KDELR1: variants seen among roughly 807,000 people sequenced by gnomAD.
KDELR1 encodes KDEL endoplasmic reticulum protein retention receptor 1.
A neutral mutation model predicts 25.5 loss-of-function variants in KDELR1; 16 were observed. That is an observed-to-expected ratio of 0.63 (90% CI 0.43 to 0.95). The LOEUF (loss-of-function observed/expected upper bound fraction) is 0.95, where lower values mean the gene tolerates loss of function less well. Among genes scored for constraint, KDELR1 ranks in the 40% least tolerant of loss-of-function variants. KDELR1 has a pLI of 0.00. For synonymous variants in KDELR1, 121 were observed against 115.0 expected (o/e 1.05, Z -0.33); for missense variants, 159 against 265.2 (o/e 0.60, Z 2.78).
intron 1 of KDELR1, chr19:48,390,921 C>G: frequency 2.2e-6 from 1 of 458,498 alleles, no homozygotes; most frequent in South Asian, 2.2e-5. Flanking sequence ...TCACCTCCCT[C>G]CCGTTCCCTT....
At chr19:48,386,248 G>A (rs1970496454) in intron 3 of KDELR1, among the ~76,000 whole-genome samples, 1 of 151,544 alleles carries the variant, frequency 6.6e-6, no homozygotes, top group Non-Finnish European at 1.5e-5. Context: ...CCAAGTGGCT[G>A]GAATTATAGG....
intron 2 of KDELR1, 23 bp downstream of exon 2, chr19:48,390,401 G>C (rs781776646): frequency 1.3e-6 from 2 of 1,557,828 alleles, no homozygotes; most frequent in Admixed American, 3.3e-5. Context: ...GTGGGGGCCA[G>C]AGAGGTGGGG....
intron 3 of KDELR1, among the ~76,000 whole-genome samples, chr19:48,389,269 C>T (rs970594166): frequency 9.2e-5 from 14 of 152,020 alleles, no homozygotes; most frequent in African/African-American, 3.4e-4. Flanking sequence ...GACTTTGTCT[C>T]CAGAAAAAAA....
upstream of KDELR1, among the ~76,000 whole-genome samples, chr19:48,396,481 A>G (rs887148776): frequency 6.6e-6 from 1 of 151,370 alleles, no homozygotes; most frequent in Non-Finnish European, 1.5e-5. Context: ...GTGAGCAGCC[A>G]CTGGGAATGG....
At chr19:48,396,104 G>A (rs77810655), upstream of KDELR1, among the ~76,000 whole-genome samples, 11 of 152,260 alleles carry the variant, frequency 7.2e-5, no homozygotes, top group East Asian at 1.9e-3. Flanking sequence ...CAGGGCAGGA[G>A]ATGAGTGTTG....
At position 48,388,804 on chromosome 19, in the gene KDELR1, AAAGG is replaced by A. The variant is rs1354100322; in HGVS notation, c.351+745_351+748del. ...AGAAAGAAAGGAAAGAAAGAGAAAG[AAAGG>A]AAGGAAGGAAGGAGGAAAGGAAGAA... On this transcript the variant is annotated intron_variant, in intron 3 of 4. Transcript: ENST00000330720. 6.7e-3 allele frequency among the ~76,000 whole-genome samples: 1,011 copies of A among 150,828 alleles called. 15 individuals are homozygous for A. The highest frequency in any genetic ancestry group is 0.023 in the African/African-American group (930 of 41,024).
At chr19:48,393,787 G>A (rs907096553), upstream of KDELR1, among the ~76,000 whole-genome samples, 1 of 152,078 alleles carries the variant, frequency 6.6e-6, no homozygotes, top group Non-Finnish European at 1.5e-5. The surrounding 1 kb of genome is among the most constrained non-coding windows in gnomAD (Gnocchi z 5.6). Context: ...AGCCTCCCTC[G>A]GCCACCGGTG....
intron 1 of KDELR1, 52 bp downstream of exon 1, chr19:48,391,216 C>G (rs1201020320): frequency 6.6e-7 from 1 of 1,504,432 alleles, no homozygotes; most frequent in East Asian, 2.5e-5. Context: ...GCGACGTCCC[C>G]CAACCCCCGC....
In KDELR1 at chr19:48,384,088, G is replaced by C; in HGVS notation, c.604+142C>G. On this transcript the variant is annotated intron_variant, in intron 4 of 4. Transcript: ENST00000330720. The surrounding 1 kb of genome is among the most constrained non-coding windows in gnomAD (Gnocchi z 4.6). ...TAACGGTCTGAATTCCTAGGAGGATGGTAGGCCTGCCACCCCAGAAACCCG... is the reference window on the plus strand; with the variant it reads ...TAACGGTCTGAATTCCTAGGAGGATCGTAGGCCTGCCACCCCAGAAACCCG... 1.0e-6 allele frequency: 1 copy of C among 990,914 alleles called. No homozygotes were observed. The highest frequency in any genetic ancestry group is 1.5e-6 in the Non-Finnish European group (1 of 676,092). 61.4% of individuals were successfully genotyped at this position (990,914 alleles called of 1,614,324 possible).
upstream of KDELR1, chr19:48,394,799 A>ACCACCACTGCCGCCG (rs1355329617): frequency 6.4e-6 from 1 of 156,178 alleles, no homozygotes; most frequent in Non-Finnish European, 1.4e-5. This position sits in a 1 kb window ranked among gnomAD's most constrained non-coding sequence, Gnocchi z 5.1. Context: ...TGCTGCCGCC[A>ACCACCACTGCCGCCG]CCACCACTGC....
intron 1 of KDELR1, chr19:48,390,805 C>A: frequency 2.1e-6 from 1 of 473,598 alleles, no homozygotes; most frequent in Non-Finnish European, 3.8e-6. Flanking sequence ...GGCTCCGTCC[C>A]AGACTAGGCC....
upstream of KDELR1, chr19:48,391,668 A>G (rs1970555765): frequency 1.7e-5 from 7 of 407,898 alleles, no homozygotes; most frequent in South Asian, 1.6e-4. Flanking sequence ...GCGGCGCTAA[A>G]CGCACCCCCA....
rs1376858361 is a variant in KDELR1, at chr19:48,389,679, G to C, written c.225C>G (p.Val75=). The C allele has an allele frequency of 6.2e-7, 1 of 1,614,110 alleles. No homozygotes were observed. Among genetic ancestry groups the C allele is most frequent in the Admixed American group, 1.7e-5 (1 of 60,002 alleles). ...CTTTGAACTTGCTATAAATCAACCA[G>C]ACCGTGGTGAAGGAGCAGGCTATGT... ...VVYIACSFTT[V]WLIYSKFKAT... is the part of the protein sequence containing the mutation. Residue 75 remains valine (V), a synonymous_variant, in exon 3 of 5, where the codon GTC becomes GTG. Transcript: ENST00000330720.
upstream of KDELR1, among the ~76,000 whole-genome samples, chr19:48,393,521 T>C (rs1970587563): frequency 6.6e-6 from 1 of 151,952 alleles, no homozygotes; most frequent in Non-Finnish European, 1.5e-5. The surrounding 1 kb of genome is among the most constrained non-coding windows in gnomAD (Gnocchi z 5.6). Context: ...CTCACTCCCT[T>C]GTCCCAGGAG....
chr19:48,392,959 G>C (rs1970579135), upstream of KDELR1, among the ~76,000 whole-genome samples: 1 of 152,216 alleles, frequency 6.6e-6, no homozygotes, highest in African/African-American at 2.4e-5. Context: ...TCTATGAGGG[G>C]ACAGACGTGG....
In KDELR1 at chr19:48,384,158, C is replaced by G. The variant is rs1970476661; in HGVS notation, c.604+72G>C. On this transcript the variant is annotated intron_variant, in intron 4 of 4. Transcript: ENST00000330720. The surrounding 1 kb of genome is among the most constrained non-coding windows in gnomAD (Gnocchi z 4.6). ...TTTGCATAATACAGGGGTAAGGAGA[C>G]CCCAGTCCCCAGGGAGGGCAGGAGC... 4 of 1,577,922 alleles carry G rather than the reference C, an allele frequency of 2.5e-6. No individual in the cohort carries two copies. In the African/African-American group the frequency reaches 4.0e-5, roughly 16 times the overall value.
chr19:48,390,634 TG>T, intron 1 of KDELR1, 110 bp from the exon 2 acceptor site: 2 of 803,518 alleles, frequency 2.5e-6, no homozygotes, highest in South Asian at 3.2e-5. Flanking sequence ...GTGGGCTGCA[TG>T]GGCAATAAAC....
upstream of KDELR1, among the ~76,000 whole-genome samples, chr19:48,395,340 C>A (rs1167472723): frequency 6.6e-6 from 1 of 151,794 alleles, no homozygotes; most frequent in Non-Finnish European, 1.5e-5. Context: ...CATGTCAGAG[C>A]TATGAGTCTG....
In KDELR1 at chr19:48,383,218, G is replaced by A. The variant is rs1342043560; in HGVS notation, c.*75C>T. ...GTTCTTAAAAAAGTCACCCCTGGATGGGAAAGCTCTTCATCTTCTGCCGCC... is the reference window on the plus strand; with the variant it reads ...GTTCTTAAAAAAGTCACCCCTGGATAGGAAAGCTCTTCATCTTCTGCCGCC... On this transcript the variant is annotated 3_prime_UTR_variant, in exon 5 of 5. Transcript: ENST00000330720. 1.4e-6 allele frequency: 2 copies of A among 1,468,152 alleles called. No homozygotes were observed. Among genetic ancestry groups the A allele is most frequent in the Non-Finnish European group, 1.9e-6 (2 of 1,071,586 alleles). 90.9% of individuals were successfully genotyped at this position (1,468,152 alleles called of 1,614,324 possible).
Sources: allele counts gnomAD v4.1 joint callset (sites outside exome capture counted in the v4.1 genomes callset), GRCh38; gene constraint gnomAD v4.1.1; non-coding constraint Gnocchi (gnomAD v3.1); transcripts MANE v1.5; gene names NCBI Gene and HGNC (gene_info 2026-07-23, HGNC 2026-07-21).